The following ANKIB1 variants were observed in gnomAD, a reference collection of about 807,000 sequenced individuals.
ANKIB1 encodes ankyrin repeat and IBR domain containing 1, also known as ankyrin repeat and IBR domain-containing protein 1.
ANKIB1 carries 43 observed loss-of-function variants against 122.1 expected under a neutral mutation model. The observed-to-expected ratio is 0.35, with a 90% CI of 0.28 to 0.45. ANKIB1 has a LOEUF of 0.45. Ranked by LOEUF, ANKIB1 falls within the 20% of genes least tolerant of loss-of-function variation. The pLI is 1.00. For synonymous variants in ANKIB1, 390 were observed against 442.0 expected (o/e 0.88, Z 1.48); for missense variants, 992 against 1,329.5 (o/e 0.75, Z 3.95).
chr7:92,342,346 T>G (rs548135063), intron 5 of ANKIB1, among the ~76,000 whole-genome samples: 44 of 152,314 alleles, frequency 2.9e-4, no homozygotes, highest in Non-Finnish European at 5.7e-4. Context: ...TAATTGAATG[T>G]ATTAGTTTGT....
In ANKIB1 at chr7:92,294,940, A is replaced by G; in HGVS notation, c.-39A>G. 2 of 1,511,082 alleles carry G rather than the reference A, an allele frequency of 1.3e-6. No homozygotes were observed. The highest frequency in any genetic ancestry group is 1.3e-5 in the South Asian group (1 of 76,008). The allele number at this position is 1,511,082 out of a possible 1,614,324, so 93.6% of individuals were successfully genotyped here. A position where few individuals can be genotyped will look rare whatever the true frequency, so the allele number is the denominator to read the frequency against. ...CCAGAAGTGGCTGAAGATAGAAGGAAAAAAGTGCCACTGCCTATCAGAAAA... is the reference window on the plus strand; with the variant it reads ...CCAGAAGTGGCTGAAGATAGAAGGAGAAAAGTGCCACTGCCTATCAGAAAA... On this transcript the variant is annotated 5_prime_UTR_variant, in exon 2 of 20. Coordinates refer to ENST00000265742, the MANE Select transcript of ANKIB1 (RefSeq NM_019004.2).
In ANKIB1 at chr7:92,389,919, A is replaced by T. The variant is rs1367297404; in HGVS notation, c.1907-52A>T. On this transcript the variant is annotated intron_variant, in intron 14 of 19. Transcript: ENST00000265742. ...AAAAAATCATTGTTTAATTAATATT[A>T]TAAATGGCATATTTGCAAAAACAAA... 54 of 1,538,212 alleles carry T rather than the reference A, an allele frequency of 3.5e-5. No homozygotes were observed. The East Asian group carries it at 1.3e-3, about 36-fold the overall frequency.
rs1399010145 is a variant in ANKIB1, at chr7:92,319,461, T to C, written c.618T>C (p.Asp206=). The C allele has an allele frequency of 8.1e-6, 13 of 1,613,016 alleles. No homozygotes were observed. Among genetic ancestry groups the C allele is most frequent in the Admixed American group, 1.7e-5 (1 of 59,816 alleles). Residue 206 remains aspartate (D), a synonymous_variant, in exon 4 of 20, where the codon GAT becomes GAC. Coordinates refer to ENST00000265742, the MANE Select transcript of ANKIB1 (RefSeq NM_019004.2). The stretch of plus-strand genomic sequence containing the variant: ...AATCTCAAATGGTATTCTCACGGGA[T>C]CCCGAGGCTGAAGAAATAGAAGCTG... The part of the protein sequence containing the change: ...NLESQMVFSR[D]PEAEEIEAEY...
chr7:92,292,789 T>C (rs1042006823), intron 1 of ANKIB1, among the ~76,000 whole-genome samples: 2 of 152,218 alleles, frequency 1.3e-5, no homozygotes, highest in Admixed American at 6.5e-5. Flanking sequence ...TGTATATGCA[T>C]ACATATTTTA....
intron 5 of ANKIB1, among the ~76,000 whole-genome samples, chr7:92,340,897 A>T (rs1403986075): frequency 6.6e-6 from 1 of 152,258 alleles, no homozygotes; most frequent in Non-Finnish European, 1.5e-5. Context: ...CATTGTGAAG[A>T]AAATGCAAAT....
At position 92,328,952 on chromosome 7, in the gene ANKIB1, TACAC is replaced by T. The variant is rs572059719; in HGVS notation, c.787+1060_787+1063del. On this transcript the variant is annotated intron_variant, in intron 5 of 19. Transcript: ENST00000265742. ...ATATATAAAACATATAATATATATA[TACAC>T]ACACACAAACACACTTTTTTTTTTT... Among the ~76,000 whole-genome samples, 160 of 148,292 alleles carry T rather than the reference TACAC, an allele frequency of 1.1e-3. 3 individuals carry two copies. Among genetic ancestry groups the T allele is most frequent in the African/African-American group, 3.8e-3 (156 of 40,704 alleles).
At chr7:92,363,896 C>G (rs1804010402) in intron 10 of ANKIB1, among the ~76,000 whole-genome samples, 2 of 152,220 alleles carry the variant, frequency 1.3e-5, no homozygotes, top group South Asian at 4.1e-4. Flanking sequence ...AGATTCCTTT[C>G]ACTTGTTGCG....
intron 5 of ANKIB1, among the ~76,000 whole-genome samples, chr7:92,329,302 G>C (rs1435458668): frequency 6.6e-6 from 1 of 152,004 alleles, no homozygotes; most frequent in Non-Finnish European, 1.5e-5. Flanking sequence ...GTCTACAACT[G>C]CCATTCTTTT....
chr7:92,353,017 A>G (rs1473547634), intron 9 of ANKIB1, among the ~76,000 whole-genome samples: 1 of 152,226 alleles, frequency 6.6e-6, no homozygotes, highest in Non-Finnish European at 1.5e-5. Context: ...CTATAATACC[A>G]AATTGCTGAC....
In ANKIB1 at chr7:92,370,247, T is replaced by G. The variant is rs200867118; in HGVS notation, c.1487-1230T>G. On this transcript the variant is annotated intron_variant, in intron 10 of 19. Coordinates refer to ENST00000265742, the MANE Select transcript of ANKIB1 (RefSeq NM_019004.2). ...ATGGGGGCCGGGCACGGTGGCTCAC[T>G]CCTGTAATCCCAGCACTTTGGGAGG... is the stretch of plus-strand genomic sequence containing the variant. Among the ~76,000 whole-genome samples the G allele has an allele frequency of 3.2e-4, 48 of 151,754 alleles. 1 individual carries two copies. Among genetic ancestry groups the G allele is most frequent in the African/African-American group, 9.9e-4 (41 of 41,412 alleles).
intron 1 of ANKIB1, among the ~76,000 whole-genome samples, chr7:92,287,162 A>G (rs867469827): frequency 3.9e-5 from 6 of 152,248 alleles, no homozygotes; most frequent in African/African-American, 1.4e-4. Flanking sequence ...AACCATAGTT[A>G]TCAAAAGTAA....
chr7:92,267,900 ATTTTTGGAAAGGAAGGGAAGG>A (rs1408755273), intron 1 of ANKIB1, among the ~76,000 whole-genome samples: 1 of 152,206 alleles, frequency 6.6e-6, no homozygotes, highest in African/African-American at 2.4e-5. Context: ...AGATAACATA[ATTTTTGGAAAGGAAGGGAAGG>A]TTTTTGAAAA....
chr7:92,314,178 G>A (rs1432523231), intron 3 of ANKIB1, among the ~76,000 whole-genome samples: 2 of 151,898 alleles, frequency 1.3e-5, no homozygotes, highest in Non-Finnish European at 2.9e-5. Flanking sequence ...CACGCCTGTA[G>A]TCCCAGCTAC....
intron 17 of ANKIB1, among the ~76,000 whole-genome samples, chr7:92,392,851 G>T (rs1159706096): frequency 1.3e-5 from 2 of 151,934 alleles, no homozygotes; most frequent in African/African-American, 2.4e-5. Context: ...AATACAGAAG[G>T]TCTAAATTAC....
intron 7 of ANKIB1, among the ~76,000 whole-genome samples, chr7:92,349,852 G>A: frequency 6.6e-6 from 1 of 151,886 alleles, no homozygotes; most frequent in East Asian, 1.9e-4. Context: ...CTTGTTGGTG[G>A]CAGATCTGGA....
intron 9 of ANKIB1, among the ~76,000 whole-genome samples, chr7:92,359,821 G>A (rs1803902750): frequency 6.6e-6 from 1 of 152,144 alleles, no homozygotes. Flanking sequence ...TTCACAGAGT[G>A]GTAATAGCAC....
intron 10 of ANKIB1, among the ~76,000 whole-genome samples, chr7:92,370,456 C>T (rs1234696754): frequency 1.5e-5 from 2 of 130,292 alleles, no homozygotes; most frequent in Non-Finnish European, 3.1e-5. Context: ...TGCAGTGAGC[C>T]GAGATCGAGC....
intron 2 of ANKIB1, 57 bp downstream of exon 2, chr7:92,295,223 C>A: frequency 2.4e-6 from 3 of 1,244,424 alleles, no homozygotes; most frequent in South Asian, 2.4e-5. Context: ...TAATTGGTAA[C>A]AAAGTGGTGA....
intron 1 of ANKIB1, among the ~76,000 whole-genome samples, chr7:92,257,206 GAGAAAAAA>G (rs1279849116): frequency 4.0e-5 from 6 of 150,844 alleles, no homozygotes; most frequent in South Asian, 4.2e-4. Context: ...AAAAAAAAGA[GAGAAAAAA>G]AGAAAAAAAA....
Sources: allele counts gnomAD v4.1 joint callset (sites outside exome capture counted in the v4.1 genomes callset), GRCh38; gene constraint gnomAD v4.1.1; transcripts MANE v1.5; gene names NCBI Gene and HGNC (gene_info 2026-07-23, HGNC 2026-07-21).